Variants in RASAL2 observed in about 807,000 individuals in gnomAD.
The protein encoded by RASAL2 is RAS protein activator like 2.
Under a neutral mutation model 128.9 loss-of-function variants are expected in RASAL2, and 58 were observed. The ratio of observed to expected loss-of-function variants is 0.45; its 90% CI spans 0.36 to 0.56. The LOEUF is 0.56. RASAL2 is among the 20% of genes least tolerant of loss of function. The probability of loss-of-function intolerance (pLI) is 0.00; values close to 1 mark genes in which losing one functional copy is unlikely to be tolerated. For missense variants in RASAL2, 1,360 were observed against 1,601.6 expected (o/e 0.85, Z 2.57); for synonymous variants, 561 against 580.8 (o/e 0.97, Z 0.49).
intron 1 of RASAL2, among the ~76,000 whole-genome samples, chr1:178,173,868 A>G (rs971733393): frequency 2.0e-5 from 3 of 151,508 alleles, no homozygotes; most frequent in African/African-American, 4.9e-5. Context: ...TGGTTGGGTA[A>G]AGCTTTCCAG....
intron 1 of RASAL2, among the ~76,000 whole-genome samples, chr1:178,261,747 T>TAAAATA (rs1665704197): frequency 6.7e-6 from 1 of 149,776 alleles, no homozygotes; most frequent in African/African-American, 2.4e-5. Context: ...AAACCCCGTC[T>TAAAATA]CTACTAAAAA....
At chr1:178,118,630 T>A (rs1405151734) in intron 1 of RASAL2, among the ~76,000 whole-genome samples, 1 of 152,192 alleles carries the variant, frequency 6.6e-6, no homozygotes. Context: ...AGATAGGTGA[T>A]CACGCACCAG....
At chr1:178,467,837 C>T (rs1647893359) in intron 17 of RASAL2, among the ~76,000 whole-genome samples, 1 of 152,172 alleles carries the variant, frequency 6.6e-6, no homozygotes, top group South Asian at 2.1e-4. Context: ...CAACCTTTTG[C>T]CCCAGACAGT....
chr1:178,423,540 C>T (rs563389242), intron 5 of RASAL2, among the ~76,000 whole-genome samples: 1 of 152,168 alleles, frequency 6.6e-6, no homozygotes, highest in East Asian at 1.9e-4. Context: ...AAGAGATAGT[C>T]ACTGTCATTA....
chr1:178,349,900 G>T (rs549802310), intron 3 of RASAL2, among the ~76,000 whole-genome samples: 2 of 152,212 alleles, frequency 1.3e-5, no homozygotes, highest in Admixed American at 6.5e-5. Context: ...AATGGAAGAC[G>T]CCTAATAAAT....
At chr1:178,337,983 C>T (rs778507548) in intron 3 of RASAL2, among the ~76,000 whole-genome samples, 9 of 152,168 alleles carry the variant, frequency 5.9e-5, no homozygotes, top group Admixed American at 1.3e-4. Flanking sequence ...CCACCCACCT[C>T]GGCCTCCCAA....
chr1:178,457,714 G>A lies in RASAL2; in HGVS notation c.2422G>A (p.Asp808Asn), dbSNP rs778646920. The change falls in exon 14 of 18, where the codon GAC becomes AAC. Residue 808 changes from aspartate (D) to asparagine (N), a missense_variant. Physicochemically the swap from Asp to Asn is conservative, Grantham distance 23. Around this residue, in one of 3 missense-constraint regions of RASAL2, gnomAD observed 741 missense variants for 868.6 expected, o/e 0.85. Coordinates refer to ENST00000367649, the MANE Select transcript of RASAL2 (RefSeq NM_170692.4). ...DLHKLKSPSQ[D>N]NTDSYFRGKT... The stretch of plus-strand genomic sequence containing the variant: ...GCATAAACTAAAATCTCCAAGCCAG[G>A]ACAACACAGACAGCTACTTCAGAGG... 3 of 1,614,060 alleles carry A rather than the reference G, an allele frequency of 1.9e-6. No homozygotes were observed. In the South Asian group the frequency reaches 3.3e-5, roughly 18 times the overall value.
At chr1:178,131,375 CTTTTTTTTTTTTTT>C (rs71108028) in intron 1 of RASAL2, among the ~76,000 whole-genome samples, 1 of 82,606 alleles carries the variant, frequency 1.2e-5, no homozygotes, top group Non-Finnish European at 2.2e-5. Flanking sequence ...CCTGGATAAT[CTTTTTTTTTTTTTT>C]TTTTTTTTTT....
intron 4 of RASAL2, among the ~76,000 whole-genome samples, chr1:178,410,769 A>C (rs1237304248): frequency 6.6e-6 from 1 of 152,226 alleles, no homozygotes; most frequent in Non-Finnish European, 1.5e-5. Context: ...CGTCAAAAAA[A>C]TGCTCAGCAT....
chr1:178,283,417 T>G (rs760311640), intron 1 of RASAL2, 147 bp from the exon 2 acceptor site: 170 of 1,030,620 alleles, frequency 1.6e-4, no homozygotes, highest in Non-Finnish European at 2.3e-4. Context: ...AGTTTTCATT[T>G]TCTTAAGAGG....
intron 3 of RASAL2, among the ~76,000 whole-genome samples, chr1:178,311,825 AAAG>A (rs200450041): frequency 1.6e-3 from 240 of 152,208 alleles, no homozygotes; most frequent in African/African-American, 4.5e-3. Flanking sequence ...ACATACAAAA[AAAG>A]AAGAAGAAGA....
At chr1:178,385,780 A>C (rs940042971) in intron 3 of RASAL2, among the ~76,000 whole-genome samples, 1 of 152,136 alleles carries the variant, frequency 6.6e-6, no homozygotes, top group African/African-American at 2.4e-5. Context: ...CACTGGCACC[A>C]ATCCCACTGG....
In RASAL2 at chr1:178,443,103, T is replaced by C. The variant is rs550476669; in HGVS notation, c.1356T>C (p.Phe452=). 1.3e-5 allele frequency: 21 copies of C among 1,613,872 alleles called. No individual in the cohort carries two copies. Among genetic ancestry groups the C allele is most frequent in the Non-Finnish European group, 1.8e-5 (21 of 1,179,958 alleles). Residue 452 remains phenylalanine, a synonymous_variant, in exon 8 of 18, where the codon TTT becomes TTC. Coordinates refer to ENST00000367649, the MANE Select transcript of RASAL2 (RefSeq NM_170692.4). ...TGCCTATGGAGCAATACAAAGAATT[T>C]GCAGAATTTGTCACCAGCAACTACA... ...TILPMEQYKE[F]AEFVTSNYTM...
rs1294283905 is a variant in RASAL2, at chr1:178,443,109, A to G, written c.1362A>G (p.Glu454=). ...LPMEQYKEFA[E]FVTSNYTMLC... Reference sequence around the variant, plus strand: ...TGGAGCAATACAAAGAATTTGCAGAATTTGTCACCAGCAACTACACCATGC... The same window carrying G: ...TGGAGCAATACAAAGAATTTGCAGAGTTTGTCACCAGCAACTACACCATGC... The change falls in exon 8 of 18, where the codon GAA becomes GAG. Residue 454 remains glutamate, a synonymous_variant. Transcript: ENST00000367649. The G allele has an allele frequency of 1.2e-6, 2 of 1,613,998 alleles. No homozygotes were observed. Among genetic ancestry groups the G allele is most frequent in the Admixed American group, 1.7e-5 (1 of 59,970 alleles).
rs1170582244 is a variant in RASAL2, at chr1:178,458,343, T to C, written c.3051T>C (p.Gly1017=). 6.2e-7 allele frequency: 1 copy of C among 1,614,036 alleles called. No homozygotes were observed. Among genetic ancestry groups the C allele is most frequent in the Non-Finnish European group, 8.5e-7 (1 of 1,180,036 alleles). Reference sequence around the variant, plus strand: ...CCCAGATCCGAAAAGTGGACCAGGGTGGGTTAGGTGCCCGAGCCAAAGCCC... The same window carrying C: ...CCCAGATCCGAAAAGTGGACCAGGGCGGGTTAGGTGCCCGAGCCAAAGCCC... ...GQAQIRKVDQ[G]GLGARAKAPP... is the part of the protein sequence containing the mutation. The change falls in exon 14 of 18, where the codon GGT becomes GGC. Residue 1017 remains glycine (G), a synonymous_variant. Coordinates refer to ENST00000367649, the MANE Select transcript of RASAL2 (RefSeq NM_170692.4).
At chr1:178,410,590 C>A (rs1256285707) in intron 4 of RASAL2, among the ~76,000 whole-genome samples, 1 of 151,990 alleles carries the variant, frequency 6.6e-6, no homozygotes. Flanking sequence ...AGACAACCCA[C>A]AGGGTGGGAG....
intron 3 of RASAL2, among the ~76,000 whole-genome samples, chr1:178,313,656 A>G (rs1668363398): frequency 6.6e-6 from 1 of 152,116 alleles, no homozygotes; most frequent in African/African-American, 2.4e-5. Context: ...ACACCCAGCT[A>G]ATTAAGGGCA....
rs976924652 is a variant in RASAL2 at position 178,389,264 on chromosome 1, A to G, written c.458-836A>G. 3 of 983,786 alleles carry G rather than the reference A, an allele frequency of 3.0e-6. No individual in the cohort carries two copies. In the African/African-American group the frequency reaches 5.3e-5, roughly 17 times the overall value. The allele number at this position is 983,786 out of a possible 1,614,324, so 60.9% of individuals were successfully genotyped here. A position where few individuals can be genotyped will look rare whatever the true frequency, so the allele number is the denominator to read the frequency against. On this transcript the variant is annotated intron_variant, in intron 3 of 17. Transcript: ENST00000367649. ...GTTATCTGAGAAGCTGGATTCCTTT[A>G]TGTCTGTCAGTTGAAGTGGCGATGG...
chr1:178,220,146 GT>G (rs1663568080), intron 1 of RASAL2, among the ~76,000 whole-genome samples: 1 of 152,128 alleles, frequency 6.6e-6, no homozygotes, highest in Non-Finnish European at 1.5e-5. Flanking sequence ...AACAGATGCT[GT>G]GCCATGCCTG....
Sources: allele counts gnomAD v4.1 joint callset (sites outside exome capture counted in the v4.1 genomes callset), GRCh38; gene constraint gnomAD v4.1.1; regional missense constraint gnomAD v4.1.1; transcripts MANE v1.5; gene names NCBI Gene and HGNC (gene_info 2026-07-23, HGNC 2026-07-21).